Variants in FGD3 observed in about 807,000 individuals in gnomAD.
FGD3 encodes FYVE, RhoGEF and PH domain containing 3, also known as FYVE, RhoGEF and PH domain-containing protein 3.
In FGD3, 45 loss-of-function variants were observed where a neutral mutation model predicts 71.8. The ratio of observed to expected loss-of-function variants is 0.63; its 90% confidence interval spans 0.49 to 0.80. The LOEUF (loss-of-function observed/expected upper bound fraction) is 0.80. FGD3 is among the 30% of genes least tolerant of loss of function. FGD3 has a pLI of 0.00. For synonymous variants in FGD3, 378 were observed against 392.8 expected (o/e 0.96, Z 0.44); for missense variants, 844 against 951.5 (o/e 0.89, Z 1.49).
In FGD3 at chr9:92,990,274, CA is replaced by C. The variant is rs889572477; in HGVS notation, c.454-12644del. Among the ~76,000 whole-genome samples, 203 of 152,054 alleles carry C rather than the reference CA, an allele frequency of 1.3e-3. 3 individuals carry two copies. Among genetic ancestry groups the C allele is most frequent in the Admixed American group, 0.013 (198 of 15,266 alleles). ...GCAACATAGTGAGACCTTGTCTATA[CA>C]AAAAAATTAAAAAGTTAGCTGGGTA... On this transcript the variant is annotated intron_variant, in intron 3 of 17. Transcript: ENST00000375482.
intron 3 of FGD3, among the ~76,000 whole-genome samples, chr9:92,991,347 G>A (rs1487517127): frequency 6.6e-6 from 1 of 152,088 alleles, no homozygotes; most frequent in Non-Finnish European, 1.5e-5. Context: ...ACAAAGTGCT[G>A]GGATTACAGG....
rs570619112 is a variant in FGD3, at chr9:92,982,490, G to A, written c.453+5781G>A. ...CAATATACTGAGTTCCCTTCCTTTGGATAAATGTCCAGTCGTGTGATTGCT... is the reference window on the plus strand; with the variant it reads ...CAATATACTGAGTTCCCTTCCTTTGAATAAATGTCCAGTCGTGTGATTGCT... On this transcript the variant is annotated intron_variant, in intron 3 of 17. Coordinates refer to ENST00000375482, the MANE Select transcript of FGD3 (RefSeq NM_001083536.2). Among the ~76,000 whole-genome samples the A allele has an allele frequency of 5.9e-5, 9 of 152,184 alleles. No individual in the cohort carries two copies. In the East Asian group the frequency reaches 1.5e-3, roughly 26 times the overall value.
chr9:92,994,601 T>C lies in FGD3; in HGVS notation c.454-8324T>C, dbSNP rs2118662302. Among the ~76,000 whole-genome samples, 3 of 152,336 alleles carry C rather than the reference T, an allele frequency of 2.0e-5. No individual in the cohort carries two copies. In the South Asian group the frequency reaches 6.2e-4, roughly 32 times the overall value. ...AGCTTTTCTTCCAGGGTTTTTATGG[T>C]TTTAGGTCTAACGTTTAAGTCTTTA... On this transcript the variant is annotated intron_variant, in intron 3 of 17. Coordinates refer to ENST00000375482, the MANE Select transcript of FGD3 (RefSeq NM_001083536.2).
intron 1 of FGD3, among the ~76,000 whole-genome samples, chr9:92,968,944 CTG>C (rs1859435167): frequency 6.6e-6 from 1 of 152,198 alleles, no homozygotes; most frequent in African/African-American, 2.4e-5. Flanking sequence ...GGCATTACAT[CTG>C]GGCATGGCCA....
At position 93,014,040 on chromosome 9, in the gene FGD3, G is replaced by A. The variant is rs531718480; in HGVS notation, c.1182+42G>A. 5.1e-6 allele frequency: 8 copies of A among 1,573,114 alleles called. No homozygotes were observed. In the South Asian group the frequency reaches 9.4e-5, roughly 18 times the overall value. The stretch of plus-strand genomic sequence containing the variant: ...CCAGCCCAGCCGCAGAGCCTCCCTT[G>A]CCATTTGCCTCAAGCCCAGGGCAGT... On this transcript the variant is annotated intron_variant, in intron 9 of 17. Transcript: ENST00000375482.
chr9:92,987,577 C>T (rs184677654), intron 3 of FGD3, among the ~76,000 whole-genome samples: 123 of 152,306 alleles, frequency 8.1e-4, no homozygotes, highest in Middle Eastern at 3.4e-3. Context: ...AGTGCAGACT[C>T]CAAGGTCCCT....
At chr9:93,029,010 T>TG in intron 14 of FGD3, among the ~76,000 whole-genome samples, 1 of 103,000 alleles carries the variant, frequency 9.7e-6, no homozygotes, top group South Asian at 3.4e-4. Flanking sequence ...TTTTTTTTTT[T>TG]TTTTTTTTTT....
chr9:92,988,465 A>G (rs1248684520), intron 3 of FGD3, among the ~76,000 whole-genome samples: 1 of 152,190 alleles, frequency 6.6e-6, no homozygotes, highest in Non-Finnish European at 1.5e-5. Context: ...TATCAAGACC[A>G]TCACCTGATG....
chr9:92,957,388 T>C (rs1394711453), intron 1 of FGD3, among the ~76,000 whole-genome samples: 1 of 152,248 alleles, frequency 6.6e-6, no homozygotes, highest in East Asian at 1.9e-4. Flanking sequence ...GTCAGTCTTT[T>C]TCACTGTAGC....
In FGD3 at chr9:92,976,421, C is replaced by T; in HGVS notation, c.165C>T (p.Gly55=). 1 of 1,611,774 alleles carries T rather than the reference C, an allele frequency of 6.2e-7. No homozygotes were observed. The change falls in exon 3 of 18, where the codon GGC becomes GGT. Residue 55 remains glycine, a synonymous_variant. Transcript: ENST00000375482. The part of the protein sequence containing the change: ...DPVSLAAAGD[G]SPDIGPTGEL... ...TCAGCCTGGCTGCAGCAGGGGACGG[C>T]TCTCCAGACATAGGCCCCACGGGAG...
chr9:92,979,273 T>C (rs1468786890), intron 3 of FGD3, among the ~76,000 whole-genome samples: 1 of 152,202 alleles, frequency 6.6e-6, no homozygotes, highest in African/African-American at 2.4e-5. Context: ...TATATTGAGG[T>C]AGTTTCATTC....
chr9:92,949,472 C>T (rs936523451), intron 1 of FGD3, among the ~76,000 whole-genome samples: 1 of 152,174 alleles, frequency 6.6e-6, no homozygotes, highest in South Asian at 2.1e-4. Context: ...ATCATCCCTG[C>T]GTGTCCCTTC....
intron 10 of FGD3, among the ~76,000 whole-genome samples, chr9:93,017,907 C>T (rs1409854564): frequency 2.6e-5 from 4 of 152,040 alleles, no homozygotes; most frequent in South Asian, 2.1e-4. Flanking sequence ...AGAAGATGAG[C>T]GGTCATAGCT....
At chr9:92,973,106 A>ATTTTTTTTTTTTTTTTTTTTTTTTTTT (rs59046376) in intron 1 of FGD3, among the ~76,000 whole-genome samples, 1 of 87,124 alleles carries the variant, frequency 1.1e-5, no homozygotes, top group Non-Finnish European at 2.1e-5. Flanking sequence ...ATGCCTGGTA[A>ATTTTTTTTTTTTTTTTTTTTTTTTTTT]TTTTTTTTTT....
intron 3 of FGD3, among the ~76,000 whole-genome samples, chr9:92,979,852 T>TA (rs1173128059): frequency 6.6e-6 from 1 of 152,168 alleles, no homozygotes; most frequent in Non-Finnish European, 1.5e-5. Context: ...TTTCTAGGAA[T>TA]TTACCCATTA....
chr9:93,034,277 T>C, intron 16 of FGD3: 1 of 401,436 alleles, frequency 2.5e-6, no homozygotes, highest in East Asian at 4.0e-5. Flanking sequence ...GATTTTGATG[T>C]GTCCTGACCC....
At chr9:93,020,199 G>C (rs1371830161) in intron 12 of FGD3, 118 bp from the exon 13 acceptor site, 4 of 892,530 alleles carry the variant, frequency 4.5e-6, no homozygotes, top group Non-Finnish European at 6.7e-6. Context: ...CCAGTGGCCT[G>C]GGCATTGTTC....
intron 1 of FGD3, among the ~76,000 whole-genome samples, chr9:92,958,870 A>G (rs761490710): frequency 1.3e-5 from 2 of 152,250 alleles, no homozygotes; most frequent in Non-Finnish European, 2.9e-5. Context: ...CAATTGAACA[A>G]ATGAATGAAA....
At chr9:93,030,020 G>T in intron 15 of FGD3, 24 bp downstream of exon 15, 1 of 1,607,320 alleles carries the variant, frequency 6.2e-7, no homozygotes, top group South Asian at 1.1e-5. Context: ...GAGGGGGACA[G>T]GGACAGGAGG....
Sources: gnomAD v4.1 joint callset for allele counts (sites outside exome capture counted in the v4.1 genomes callset) on GRCh38, gnomAD v4.1.1 for gene constraint, MANE v1.5 for transcripts, NCBI Gene and HGNC (gene_info 2026-07-23, HGNC 2026-07-21) for gene names.